ERICH6B: variants seen among roughly 807,000 people sequenced by gnomAD.
The protein encoded by ERICH6B is glutamate-rich protein 6B.
A neutral mutation model predicts 80.0 loss-of-function variants in ERICH6B; 69 were observed. That is an observed-to-expected ratio of 0.86 (90% CI 0.71 to 1.05). The LOEUF is 1.05. Ranked by LOEUF, ERICH6B falls within the 50% of genes least tolerant of loss-of-function variation. The pLI is 0.00. For synonymous variants in ERICH6B, 283 were observed against 291.9 expected, an observed-to-expected ratio of 0.97 and a Z score of 0.31; for missense variants, 754 against 796.1, an observed-to-expected ratio of 0.95 and a Z score of 0.64.
chr13:45,606,068 A>G (rs1010853111), intron 2 of ERICH6B, among the ~76,000 whole-genome samples: 2 of 152,192 alleles, frequency 1.3e-5, no homozygotes, highest in Non-Finnish European at 2.9e-5. Context: ...TTATAACTCA[A>G]GTTCTTAGGG....
At chr13:45,611,760 T>G (rs1949901270) in intron 1 of ERICH6B, among the ~76,000 whole-genome samples, 1 of 152,202 alleles carries the variant, frequency 6.6e-6, no homozygotes, top group East Asian at 1.9e-4. Flanking sequence ...GACTGACTAT[T>G]GGGCAGATCT....
intron 4 of ERICH6B, among the ~76,000 whole-genome samples, chr13:45,587,580 G>T (rs1484776625): frequency 3.3e-5 from 5 of 152,210 alleles, no homozygotes; most frequent in Admixed American, 2.6e-4. Context: ...CTACCTCACA[G>T]TTGTTTTGGG....
Position 45,580,634 on chromosome 13 carries a change from C to T in ERICH6B, c.888G>A (p.Glu296=), listed in dbSNP as rs1037167987. 5.2e-6 allele frequency: 8 copies of T among 1,551,538 alleles called. No homozygotes were observed. The Admixed American group carries it at 5.9e-5, about 11-fold the overall frequency. Residue 296 remains glutamate (E), a synonymous_variant, in exon 6 of 15, where the codon GAG becomes GAA. Coordinates refer to ENST00000298738, the MANE Select transcript of ERICH6B (RefSeq NM_182542.3). The stretch of plus-strand genomic sequence containing the variant: ...GAGCCAGCTTCGTGGTGGTTTCTTG[C>T]TCTGTTTCTGATTTCGATTTTAAAG... ...VKSLKSKSET[E]QETTTKLAPE...
In ERICH6B at chr13:45,596,666, C is replaced by A; in HGVS notation, c.340G>T (p.Glu114Ter). Residue 114 changes from glutamate (E) to a stop codon, truncating the protein, a stop_gained, in exon 3 of 15, where the codon GAG (glutamate) becomes TAG (stop). Coordinates refer to ENST00000298738, the MANE Select transcript of ERICH6B (RefSeq NM_182542.3). LOFTEE classifies it high-confidence loss of function. ...LEEEEYIEEE[E>*]YLGKEGYLEE... ...AGATACCCTTCCTTCCCCAGATACT[C>A]TTCCTCTTCAATATACTCTTCCTCC... 6.4e-7 allele frequency: 1 copy of A among 1,551,948 alleles called. No individual in the cohort carries two copies. The highest frequency in any genetic ancestry group is 8.7e-7 in the Non-Finnish European group (1 of 1,146,932).
intron 13 of ERICH6B, among the ~76,000 whole-genome samples, chr13:45,547,064 A>G (rs1181902368): frequency 6.6e-6 from 1 of 152,262 alleles, no homozygotes; most frequent in Non-Finnish European, 1.5e-5. Context: ...CTCTCGGTTC[A>G]AAGTCTGGCT....
chr13:45,574,791 C>G, intron 8 of ERICH6B, 51 bp downstream of exon 8: 1 of 1,425,874 alleles, frequency 7.0e-7, no homozygotes, highest in South Asian at 1.2e-5. Flanking sequence ...TTGGGCCACC[C>G]TACATTTGGA....
intron 2 of ERICH6B, among the ~76,000 whole-genome samples, chr13:45,602,762 C>T (rs1419020523): frequency 1.3e-5 from 2 of 152,206 alleles, no homozygotes; most frequent in African/African-American, 2.4e-5. Context: ...CAGTCTGGCT[C>T]CTTCTTCAAA....
chr13:45,585,084 C>G (rs1875843572), intron 5 of ERICH6B, among the ~76,000 whole-genome samples: 1 of 152,176 alleles, frequency 6.6e-6, no homozygotes, highest in Non-Finnish European at 1.5e-5. Flanking sequence ...CTCAGTGCTC[C>G]TTGGTTCATT....
At chr13:45,560,534 G>A (rs964801072) in intron 11 of ERICH6B, among the ~76,000 whole-genome samples, 1 of 152,180 alleles carries the variant, frequency 6.6e-6, no homozygotes. Flanking sequence ...GGATTTGGAC[G>A]AATGTACAAT....
rs965008024 is a variant in ERICH6B, at chr13:45,568,455, C to A, written c.1051-4G>T. ...TCTGATAGGAGCTGTTCAAAAACTACAAAAGGATCAAAGAATGAAATATTC... is the reference window on the plus strand; with the variant it reads ...TCTGATAGGAGCTGTTCAAAAACTAAAAAAGGATCAAAGAATGAAATATTC... On this transcript the variant is annotated splice_region_variant and splice_polypyrimidine_tract_variant and intron_variant, in intron 8 of 14. Transcript: ENST00000298738. 1 of 1,489,728 alleles carries A rather than the reference C, an allele frequency of 6.7e-7. No individual in the cohort carries two copies. Among genetic ancestry groups the A allele is most frequent in the South Asian group, 1.4e-5 (1 of 72,522 alleles). The allele number at this position is 1,489,728 out of a possible 1,614,324, so 92.3% of individuals were successfully genotyped here.
At chr13:45,544,029 A>G (rs1347088180) in intron 14 of ERICH6B, among the ~76,000 whole-genome samples, 2 of 152,206 alleles carry the variant, frequency 1.3e-5, no homozygotes, top group Non-Finnish European at 2.9e-5. Context: ...AGCTGGGGCT[A>G]CAGGTGCGAG....
intron 13 of ERICH6B, 83 bp from the exon 14 acceptor site, chr13:45,545,068 C>G: frequency 8.5e-7 from 1 of 1,180,124 alleles, no homozygotes; most frequent in Non-Finnish European, 1.2e-6. Context: ...CCTTTCTTTT[C>G]CCCTACTTGG....
intron 3 of ERICH6B, among the ~76,000 whole-genome samples, chr13:45,592,405 G>A (rs542485117): frequency 1.3e-5 from 2 of 152,264 alleles, no homozygotes; most frequent in Non-Finnish European, 2.9e-5. Flanking sequence ...TGCCTTGTTA[G>A]TATCTCTTGC....
intron 3 of ERICH6B, among the ~76,000 whole-genome samples, chr13:45,595,677 CTCTT>C (rs1373253025): frequency 1.4e-5 from 2 of 146,650 alleles, no homozygotes; most frequent in East Asian, 2.0e-4. Context: ...CTTCTTCTCT[CTCTT>C]TTTTTTTTTT....
rs757094068 is a variant in ERICH6B, at chr13:45,541,412, A to G, written c.*50T>C. On this transcript the variant is annotated 3_prime_UTR_variant, in exon 15 of 15. Coordinates refer to ENST00000298738, the MANE Select transcript of ERICH6B (RefSeq NM_182542.3). ...TGGGTTTTTTTTCCCTGGAGCTCCC[A>G]AGGTCTCCAACTTCCTAAGGCATTT... is the stretch of plus-strand genomic sequence containing the variant. 1.3e-6 allele frequency: 2 copies of G among 1,496,340 alleles called. No homozygotes were observed. Among genetic ancestry groups the G allele is most frequent in the Middle Eastern group, 1.7e-4 (1 of 5,812 alleles). 92.7% of individuals were successfully genotyped at this position (1,496,340 alleles called of 1,614,324 possible).
intron 11 of ERICH6B, among the ~76,000 whole-genome samples, chr13:45,553,337 C>T (rs796891276): frequency 9.2e-5 from 14 of 152,218 alleles, no homozygotes; most frequent in African/African-American, 2.6e-4. Context: ...GTTGGGGCCA[C>T]GGTGGGCGCT....
At chr13:45,565,809 T>G (rs1016845344) in intron 9 of ERICH6B, among the ~76,000 whole-genome samples, 1 of 152,138 alleles carries the variant, frequency 6.6e-6, no homozygotes, top group African/African-American at 2.4e-5. Flanking sequence ...ATACAGTAAA[T>G]TTGTACCAGT....
chr13:45,606,131 A>G (rs866335656), intron 2 of ERICH6B, among the ~76,000 whole-genome samples: 2 of 152,234 alleles, frequency 1.3e-5, no homozygotes, highest in African/African-American at 4.8e-5. Flanking sequence ...AGAACGAAGA[A>G]ATAATATTTA....
intron 13 of ERICH6B, 140 bp from the exon 14 acceptor site, chr13:45,545,125 T>G: frequency 1.4e-6 from 1 of 712,278 alleles, no homozygotes; most frequent in Non-Finnish European, 2.3e-6. Flanking sequence ...AGCTCCAACA[T>G]GGACAACCAA....
Sources: allele counts gnomAD v4.1 joint callset (sites outside exome capture counted in the v4.1 genomes callset), GRCh38; gene constraint gnomAD v4.1.1; transcripts MANE v1.5; gene names NCBI Gene and HGNC (gene_info 2026-07-23, HGNC 2026-07-21).